PTPRK: variants seen among roughly 807,000 people sequenced by gnomAD.
The protein encoded by PTPRK is protein tyrosine phosphatase receptor type K.
PTPRK carries 75 observed loss-of-function variants against 178.0 expected under a neutral mutation model. That is an observed-to-expected ratio of 0.42 (90% CI 0.35 to 0.51). PTPRK has a LOEUF of 0.51. PTPRK is among the 20% of genes least tolerant of loss of function. The probability of loss-of-function intolerance (pLI) is 0.02; values close to 1 mark genes in which losing one functional copy is unlikely to be tolerated. For synonymous variants in PTPRK, 637 were observed against 620.6 expected (o/e 1.03, Z -0.39); for missense variants, 1,441 against 1,797.8 (o/e 0.80, Z 3.59).
intron 7 of PTPRK, among the ~76,000 whole-genome samples, chr6:128,137,204 T>C (rs925629112): frequency 2.0e-5 from 3 of 152,190 alleles, no homozygotes; most frequent in African/African-American, 7.2e-5. Flanking sequence ...ATTTATACAA[T>C]ATATGAGTAG....
In PTPRK at chr6:128,322,162, G is replaced by A. The variant is rs1027706157; in HGVS notation, c.372C>T (p.Asn124=). ...GTCCTTTATTCACCCTAACTAATAT[G>A]TTCAAAGTGCCAGGATTCAGTCCTT... ...SQKGLNPGTL[N]ILVRVNKGPL... The change falls in exon 3 of 30, where the codon AAC becomes AAT. Residue 124 remains asparagine, a synonymous_variant. Transcript: ENST00000368226. The A allele has an allele frequency of 1.1e-5, 17 of 1,613,858 alleles. No individual in the cohort carries two copies. Among genetic ancestry groups the A allele is most frequent in the Non-Finnish European group, 1.4e-5 (17 of 1,179,854 alleles).
At chr6:128,081,645 G>A (rs1402632129) in intron 10 of PTPRK, among the ~76,000 whole-genome samples, 1 of 151,860 alleles carries the variant, frequency 6.6e-6, no homozygotes, top group Admixed American at 6.6e-5. Flanking sequence ...ACATTGTGTG[G>A]TTGACCTTTA....
chr6:128,235,746 G>C (rs9388624), intron 5 of PTPRK: 1 of 341,878 alleles, frequency 2.9e-6, no homozygotes, highest in East Asian at 1.0e-4. Flanking sequence ...CATCAAAATC[G>C]TCATGGCTCA....
intron 7 of PTPRK, among the ~76,000 whole-genome samples, chr6:128,172,630 GTGTGTATATATATAA>G (rs538280724): frequency 2.6e-3 from 398 of 151,206 alleles, no homozygotes; most frequent in African/African-American, 9.4e-3. Context: ...TATATAGTGT[GTGTGTATATATATAA>G]TGTGTATATA....
At chr6:128,133,000 G>A (rs898349407) in intron 7 of PTPRK, among the ~76,000 whole-genome samples, 2 of 152,140 alleles carry the variant, frequency 1.3e-5, no homozygotes, top group African/African-American at 4.8e-5. Context: ...ATAAAATGAA[G>A]TAGAACTGAT....
intron 1 of PTPRK, among the ~76,000 whole-genome samples, chr6:128,513,955 G>C (rs144028497): frequency 1.3e-5 from 2 of 152,212 alleles, no homozygotes; most frequent in East Asian, 1.9e-4. Context: ...ATCACATCAA[G>C]GAACTGTTGC....
chr6:128,217,064 C>A (rs1219239786), intron 6 of PTPRK, among the ~76,000 whole-genome samples: 1 of 152,080 alleles, frequency 6.6e-6, no homozygotes. Flanking sequence ...AATAGCACGC[C>A]CACGTTCCTG....
rs770378619 is a variant in PTPRK, at chr6:128,519,030, C to A, written c.100+1229G>T. ...AGTTATTTGCGTCCTGCGGCTTCAG[C>A]CAGGAGCGTGGCTGTCGCTTTTCCC... On this transcript the variant is annotated intron_variant, in intron 1 of 29. Coordinates refer to ENST00000368226, the MANE Select transcript of PTPRK (RefSeq NM_002844.4). This position sits in a 1 kb window ranked among gnomAD's most constrained non-coding sequence, Gnocchi z 4.3. 2 of 530,528 alleles carry A rather than the reference C, an allele frequency of 3.8e-6. No individual in the cohort carries two copies. The highest frequency in any genetic ancestry group is 7.7e-6 in the Non-Finnish European group (2 of 258,800). 32.9% of individuals were successfully genotyped at this position (530,528 alleles called of 1,614,324 possible).
At chr6:128,115,189 T>C (rs1450823241) in intron 7 of PTPRK, among the ~76,000 whole-genome samples, 1 of 152,094 alleles carries the variant, frequency 6.6e-6, no homozygotes, top group Non-Finnish European at 1.5e-5. Context: ...CCAGCCAGCC[T>C]GAACAGCTCA....
chr6:127,973,886 A>T, intron 27 of PTPRK, 59 bp from the exon 28 acceptor site: 1 of 1,513,020 alleles, frequency 6.6e-7, no homozygotes, highest in Non-Finnish European at 9.0e-7. Flanking sequence ...ACTAAAAAGT[A>T]AAAGGTGCAT....
At chr6:128,260,617 C>T (rs984866783) in intron 3 of PTPRK, among the ~76,000 whole-genome samples, 1 of 152,082 alleles carries the variant, frequency 6.6e-6, no homozygotes, top group Non-Finnish European at 1.5e-5. Flanking sequence ...TGTATAATGT[C>T]CATTTATGAA....
chr6:127,990,184 G>T (rs1776444641), intron 21 of PTPRK, among the ~76,000 whole-genome samples: 1 of 151,978 alleles, frequency 6.6e-6, no homozygotes, highest in Non-Finnish European at 1.5e-5. Context: ...CCAATTTTGT[G>T]ATTTCTCTGC....
At chr6:128,494,303 C>A (rs1469356335) in intron 1 of PTPRK, among the ~76,000 whole-genome samples, 1 of 151,500 alleles carries the variant, frequency 6.6e-6, no homozygotes, top group Admixed American at 6.6e-5. Context: ...TTCACCATCA[C>A]CATTTTTTAA....
chr6:128,299,032 C>A (rs1195072895), intron 3 of PTPRK, among the ~76,000 whole-genome samples: 2 of 152,260 alleles, frequency 1.3e-5, no homozygotes, highest in South Asian at 4.1e-4. Flanking sequence ...TCTCAGGATA[C>A]AAAATCAATG....
chr6:128,428,583 G>C (rs1394044441), intron 1 of PTPRK, among the ~76,000 whole-genome samples: 2 of 152,212 alleles, frequency 1.3e-5, no homozygotes, highest in African/African-American at 4.8e-5. Context: ...ATATGTCAAT[G>C]TGAAGATCTG....
At chr6:128,077,203 C>A (rs1392521555) in intron 11 of PTPRK, among the ~76,000 whole-genome samples, 3 of 151,884 alleles carry the variant, frequency 2.0e-5, no homozygotes, top group Non-Finnish European at 4.4e-5. Flanking sequence ...TGTGAATGAC[C>A]CTGATTACTT....
At chr6:128,384,954 TAA>T (rs1371268617) in intron 2 of PTPRK, among the ~76,000 whole-genome samples, 3 of 151,428 alleles carry the variant, frequency 2.0e-5, no homozygotes, top group Admixed American at 6.6e-5. Context: ...TTATACATAT[TAA>T]GTTTATTTTA....
chr6:128,331,158 T>C (rs1211109168), intron 2 of PTPRK, among the ~76,000 whole-genome samples: 2 of 152,228 alleles, frequency 1.3e-5, no homozygotes, highest in African/African-American at 4.8e-5. Flanking sequence ...TTCATGTATG[T>C]TGTTCATCCA....
intron 22 of PTPRK, among the ~76,000 whole-genome samples, chr6:127,983,668 T>G (rs9402010): frequency 0.088 from 13,337 of 152,252 alleles, 774 homozygotes; most frequent in East Asian, 0.29. Flanking sequence ...TATGTAAATT[T>G]AATACACATA....
Sources: gnomAD v4.1 joint callset for allele counts (sites outside exome capture counted in the v4.1 genomes callset) on GRCh38, gnomAD v4.1.1 for gene constraint, Gnocchi (gnomAD v3.1) non-coding constraint, MANE v1.5 for transcripts, NCBI Gene and HGNC (gene_info 2026-07-23, HGNC 2026-07-21) for gene names.